The following COLEC10 variants were observed in gnomAD, a reference collection of about 807,000 sequenced individuals.
The protein encoded by COLEC10 is collectin subfamily member 10.
COLEC10 carries 22 observed loss-of-function variants against 28.4 expected under a neutral mutation model. That is an observed-to-expected ratio of 0.78 (90% CI 0.55 to 1.11). The LOEUF is 1.11. COLEC10 is among the 50% of genes least tolerant of loss of function. The pLI is 0.00. For missense variants in COLEC10, 361 were observed against 344.1 expected (o/e 1.05, Z -0.39); for synonymous variants, 125 against 116.1 (o/e 1.08, Z -0.49).
At chr8:119,041,287 C>A (rs892770773) in intron 2 of COLEC10, among the ~76,000 whole-genome samples, 1 of 151,558 alleles carries the variant, frequency 6.6e-6, no homozygotes, top group Non-Finnish European at 1.5e-5. Flanking sequence ...CTGGCATGAT[C>A]CCTAATGGTA....
the COLEC10 span, among the ~76,000 whole-genome samples, chr8:118,967,936 C>T: frequency 6.6e-6 from 1 of 151,828 alleles, no homozygotes; most frequent in Admixed American, 6.6e-5. Flanking sequence ...TTCCTGCAGC[C>T]TAGGGGTATA....
the COLEC10 span, among the ~76,000 whole-genome samples, chr8:118,988,894 A>G: frequency 1.3e-5 from 2 of 152,242 alleles, no homozygotes; most frequent in South Asian, 2.1e-4. Flanking sequence ...CATTTAGCTC[A>G]GTTTTTATTA....
At chr8:119,001,328 A>G (rs1359210684) in intron 1 of COLEC10, among the ~76,000 whole-genome samples, 1 of 152,156 alleles carries the variant, frequency 6.6e-6, no homozygotes, top group African/African-American at 2.4e-5. Context: ...GGTGTTCTGA[A>G]GCAAGGGAGG....
chr8:118,996,329 C>A (rs551719681), intron 1 of COLEC10, among the ~76,000 whole-genome samples: 1 of 152,060 alleles, frequency 6.6e-6, no homozygotes, highest in East Asian at 1.9e-4. Flanking sequence ...CATGGGACGG[C>A]GCATATCACT....
intron 3 of COLEC10, 33 bp from the exon 4 acceptor site, chr8:119,102,310 AATTTT>A: frequency 9.1e-7 from 1 of 1,102,276 alleles, no homozygotes; most frequent in Non-Finnish European, 1.2e-6. Context: ...CTTTTATTTT[AATTTT>A]ATTTTATTTT....
chr8:119,004,069 A>G (rs1240026238), intron 1 of COLEC10, among the ~76,000 whole-genome samples: 1 of 152,066 alleles, frequency 6.6e-6, no homozygotes, highest in Non-Finnish European at 1.5e-5. Flanking sequence ...CATCCAGAAC[A>G]AGTAGCATAC....
the COLEC10 span, among the ~76,000 whole-genome samples, chr8:118,972,769 TTA>T: frequency 6.6e-6 from 1 of 151,934 alleles, no homozygotes; most frequent in African/African-American, 2.4e-5. Context: ...TCCAGGTGTA[TTA>T]GTTCATTCTC....
chr8:119,079,534 T>A (rs988228275), intron 1 of COLEC10, among the ~76,000 whole-genome samples: 1 of 152,180 alleles, frequency 6.6e-6, no homozygotes, highest in Admixed American at 6.5e-5. Flanking sequence ...GAATGATATG[T>A]GAAGGCTGAA....
chr8:118,960,008 TG>T, the COLEC10 span, among the ~76,000 whole-genome samples: 1 of 152,164 alleles, frequency 6.6e-6, no homozygotes, highest in Admixed American at 6.5e-5. Flanking sequence ...GAGATGTAAA[TG>T]GTATTTGGAA....
chr8:119,099,039 T>C (rs972372425), intron 3 of COLEC10, among the ~76,000 whole-genome samples: 1 of 152,114 alleles, frequency 6.6e-6, no homozygotes, highest in African/African-American at 2.4e-5. Context: ...TAAGAAATAA[T>C]AGTGATTTAG....
At chr8:118,954,183 G>C in the COLEC10 span, among the ~76,000 whole-genome samples, 1 of 152,206 alleles carries the variant, frequency 6.6e-6, no homozygotes, top group African/African-American at 2.4e-5. Flanking sequence ...GGATTCAGGG[G>C]ATTGGTAATT....
chr8:119,027,095 A>G (rs1051783628), intron 2 of COLEC10, among the ~76,000 whole-genome samples: 1 of 152,150 alleles, frequency 6.6e-6, no homozygotes, highest in Admixed American at 6.5e-5. Context: ...ACTGCTATAA[A>G]ACAGGAATAA....
chr8:119,042,259 A>C (rs1270312180), intron 2 of COLEC10, among the ~76,000 whole-genome samples: 1 of 152,002 alleles, frequency 6.6e-6, no homozygotes, highest in Non-Finnish European at 1.5e-5. Flanking sequence ...CGGCCTCCCA[A>C]AGTGCTGGGA....
upstream of COLEC10, among the ~76,000 whole-genome samples, chr8:118,991,196 G>C (rs1409215577): frequency 6.6e-6 from 1 of 152,106 alleles, no homozygotes; most frequent in Non-Finnish European, 1.5e-5. Flanking sequence ...GTGTTGTGTA[G>C]TTAAGAGACT....
chr8:118,957,617 G>GCATGT, the COLEC10 span, among the ~76,000 whole-genome samples: 1 of 152,196 alleles, frequency 6.6e-6, no homozygotes. Flanking sequence ...GAAGCCATTG[G>GCATGT]CATGTCTTAA....
chr8:119,034,862 C>G (rs895218863), intron 2 of COLEC10, among the ~76,000 whole-genome samples: 1 of 152,134 alleles, frequency 6.6e-6, no homozygotes, highest in Non-Finnish European at 1.5e-5. Context: ...AAATGGGAAT[C>G]AAAATCTTTA....
At chr8:119,016,358 C>T (rs920559709) in intron 2 of COLEC10, among the ~76,000 whole-genome samples, 2 of 152,158 alleles carry the variant, frequency 1.3e-5, no homozygotes, top group South Asian at 2.1e-4. Context: ...GACATGAACT[C>T]ATCCTTTTTA....
upstream of COLEC10, among the ~76,000 whole-genome samples, chr8:118,993,114 A>C (rs1813530321): frequency 6.6e-6 from 1 of 152,164 alleles, no homozygotes; most frequent in Non-Finnish European, 1.5e-5. Context: ...GGAGTACTAG[A>C]ATTGTTTATA....
Position 119,105,873 on chromosome 8 carries a change from CCTAACCCA to C in COLEC10, c.519_526del (p.Thr174GlnfsTer13), listed in dbSNP as rs768955132. On this transcript the variant is annotated frameshift_variant, in exon 6 of 6. Transcript: ENST00000332843. LOFTEE classifies it high-confidence loss of function. Reference sequence around the variant, plus strand: ...AGGAAGAGAAGAACTACAGGGAATCCCTAACCCACTGCAGGATTCGGGGTGGAATGCTA... The same window carrying C: ...AGGAAGAGAAGAACTACAGGGAATCCCTGCAGGATTCGGGGTGGAATGCTA... 7 of 1,613,672 alleles carry C rather than the reference CCTAACCCA, an allele frequency of 4.3e-6. No homozygotes were observed. In the South Asian group the frequency reaches 7.7e-5, roughly 18 times the overall value.
Sources: gnomAD v4.1 joint callset for allele counts (sites outside exome capture counted in the v4.1 genomes callset) on GRCh38, gnomAD v4.1.1 for gene constraint, MANE v1.5 for transcripts, NCBI Gene and HGNC (gene_info 2026-07-23, HGNC 2026-07-21) for gene names.